The following CDK6 variants were observed in gnomAD, a reference collection of about 807,000 sequenced individuals.
CDK6 encodes cyclin dependent kinase 6.
In CDK6, 6 loss-of-function variants were observed where a neutral mutation model predicts 37.1. The ratio of observed to expected loss-of-function variants is 0.16; its 90% CI spans 0.09 to 0.32. CDK6 has a LOEUF of 0.32. Ranked by LOEUF, CDK6 falls within the 10% of genes least tolerant of loss-of-function variation. CDK6 has a pLI of 1.00. For missense variants in CDK6, 224 were observed against 418.9 expected (o/e 0.53, Z 4.06); for synonymous variants, 160 against 161.3 (o/e 0.99, Z 0.06).
At chr7:92,731,218 A>C (rs1170684955) in intron 3 of CDK6, among the ~76,000 whole-genome samples, 3 of 152,236 alleles carry the variant, frequency 2.0e-5, no homozygotes, top group Admixed American at 6.5e-5. Flanking sequence ...ATGAGCTTCA[A>C]AGGCTGTTTA....
chr7:92,751,975 A>G (rs546836337), intron 3 of CDK6, among the ~76,000 whole-genome samples: 1 of 152,210 alleles, frequency 6.6e-6, no homozygotes, highest in Non-Finnish European at 1.5e-5. Flanking sequence ...GAGCACTGAC[A>G]AAGATATAAA....
chr7:92,794,612 A>G (rs1800361339), intron 2 of CDK6, among the ~76,000 whole-genome samples: 1 of 152,032 alleles, frequency 6.6e-6, no homozygotes, highest in East Asian at 1.9e-4. Flanking sequence ...ACTGATCTTC[A>G]AAGATTATGC....
intron 2 of CDK6, among the ~76,000 whole-genome samples, chr7:92,809,293 T>C (rs1044002110): frequency 1.3e-5 from 2 of 152,192 alleles, no homozygotes; most frequent in Admixed American, 6.5e-5. Context: ...AAAATTTTCA[T>C]CTCCAAATGT....
intron 3 of CDK6, among the ~76,000 whole-genome samples, chr7:92,758,338 A>G (rs1467997347): frequency 1.3e-5 from 2 of 152,284 alleles, no homozygotes; most frequent in Non-Finnish European, 2.9e-5. Context: ...TATAGTTTCA[A>G]TCTTCTGCAT....
intron 4 of CDK6, among the ~76,000 whole-genome samples, chr7:92,699,664 T>C (rs1378042918): frequency 6.6e-6 from 1 of 152,232 alleles, no homozygotes; most frequent in Non-Finnish European, 1.5e-5. Context: ...CATATACAAA[T>C]GTGCCTACTA....
At chr7:92,791,446 CA>C (rs1800280056) in intron 2 of CDK6, among the ~76,000 whole-genome samples, 1 of 151,962 alleles carries the variant, frequency 6.6e-6, no homozygotes, top group East Asian at 1.9e-4. Context: ...AAAAATTTAC[CA>C]CAGGGCCCTA....
At position 92,615,178 on chromosome 7, in the gene CDK6, G is replaced by A. The variant is rs1795647952; in HGVS notation, c.943C>T (p.Pro315Ser). The A allele has an allele frequency of 1.2e-6, 2 of 1,613,940 alleles. No homozygotes were observed. Among genetic ancestry groups the A allele is most frequent in the Admixed American group, 3.3e-5 (2 of 60,002 alleles). Reference sequence around the variant, plus strand: ...AGCTCCGAGGTGTTCTGGCTGGGCGGCAGGTGGGAATCCAGGTTTTCTTTG... The same window carrying A: ...AGCTCCGAGGTGTTCTGGCTGGGCGACAGGTGGGAATCCAGGTTTTCTTTG... Reference protein sequence around the residue: ...RCKENLDSHLPPSQNTSELNT... With the variant: ...RCKENLDSHLSPSQNTSELNT... Residue 315 changes from proline (P) to serine (S), a missense_variant, in exon 8 of 8, where the codon CCG (proline) becomes TCG (serine). Pro to Ser is a moderately conservative substitution (Grantham distance 74). Coordinates refer to ENST00000424848, the MANE Select transcript of CDK6 (RefSeq NM_001145306.2).
chr7:92,629,754 A>G (rs1796011705), intron 5 of CDK6, among the ~76,000 whole-genome samples: 2 of 152,130 alleles, frequency 1.3e-5, no homozygotes, highest in South Asian at 4.1e-4. Context: ...ATAATGGAGT[A>G]CTGCAAACTG....
intron 3 of CDK6, among the ~76,000 whole-genome samples, chr7:92,765,938 G>A (rs1799568838): frequency 6.6e-6 from 1 of 152,164 alleles, no homozygotes. Flanking sequence ...ATTCCAAACA[G>A]ATGAAAAATC....
chr7:92,738,196 T>G (rs1476112496), intron 3 of CDK6, among the ~76,000 whole-genome samples: 2 of 152,006 alleles, frequency 1.3e-5, no homozygotes, highest in Non-Finnish European at 2.9e-5. Context: ...ATCTGGGTGG[T>G]CACAACTAGT....
intron 4 of CDK6, among the ~76,000 whole-genome samples, chr7:92,716,340 G>T (rs1027155090): frequency 2.0e-5 from 3 of 152,186 alleles, no homozygotes; most frequent in African/African-American, 7.2e-5. Context: ...AAGACAGAAA[G>T]GTAGGTTGGA....
In CDK6 at chr7:92,671,527, C is replaced by T. The variant is rs150126273; in HGVS notation, c.546G>A (p.Thr182=). Residue 182 remains threonine (T), a synonymous_variant, in exon 5 of 8, where the codon ACG becomes ACA. Transcript: ENST00000424848. Reference sequence around the variant, plus strand: ...AGACTTCGGGTGCTCTGTACCACAGCGTGACGACCTGCAATGGCAAGCGGA... The same window carrying T: ...AGACTTCGGGTGCTCTGTACCACAGTGTGACGACCTGCAATGGCAAGCGGA... The part of the protein sequence containing the change: ...FQMALTSVVV[T]LWYRAPEVLL... The T allele has an allele frequency of 1.2e-3, 1,877 of 1,557,338 alleles. 2 individuals carry two copies. The highest frequency in any genetic ancestry group is 1.5e-3 in the Non-Finnish European group (1,749 of 1,152,128).
intron 4 of CDK6, among the ~76,000 whole-genome samples, chr7:92,688,080 T>G (rs1163377008): frequency 1.3e-5 from 2 of 152,204 alleles, no homozygotes; most frequent in Non-Finnish European, 2.9e-5. Context: ...AACATTCTGC[T>G]TTGAACATTT....
chr7:92,614,959 G>A lies in CDK6; in HGVS notation c.*181C>T. The A allele has an allele frequency of 1.8e-6, 1 of 564,884 alleles. No individual in the cohort carries two copies. Among genetic ancestry groups the A allele is most frequent in the South Asian group, 2.8e-5 (1 of 35,526 alleles). The allele number at this position is 564,884 out of a possible 1,614,324, so 35.0% of individuals were successfully genotyped here. On this transcript the variant is annotated 3_prime_UTR_variant, in exon 8 of 8. Transcript: ENST00000424848. ...TGAACATAAAGCTGCAATCACTCTT[G>A]CATTGATTTCAAAACAGTAAACTAG...
In CDK6 at chr7:92,742,740, T is replaced by C. The variant is rs59464150; in HGVS notation, c.370-16947A>G. Among the ~76,000 whole-genome samples the C allele has an allele frequency of 1.6e-3, 231 of 143,004 alleles. 2 individuals are homozygous for C. The highest frequency in any genetic ancestry group is 5.8e-3 in the African/African-American group (219 of 37,832). 93.8% of individuals were successfully genotyped at this position (143,004 alleles called of 152,430 possible). A position where few individuals can be genotyped will look rare whatever the true frequency, so the allele number is the denominator to read the frequency against. On this transcript the variant is annotated intron_variant, in intron 3 of 7. Coordinates refer to ENST00000424848, the MANE Select transcript of CDK6 (RefSeq NM_001145306.2). ...TATGTATAAAATGTATACATATATA[T>C]ATACACACACACACACACACCCCTT...
At chr7:92,733,265 C>T (rs982058241) in intron 3 of CDK6, among the ~76,000 whole-genome samples, 9 of 152,140 alleles carry the variant, frequency 5.9e-5, no homozygotes, top group Middle Eastern at 3.4e-3. Flanking sequence ...TTTATAATAT[C>T]GCCTTTGCCA....
intron 5 of CDK6, among the ~76,000 whole-genome samples, chr7:92,655,416 T>C (rs890031629): frequency 1.1e-4 from 16 of 152,234 alleles, no homozygotes; most frequent in Admixed American, 1.0e-3. Context: ...AGTGCTGTTT[T>C]TAATCAGGGC....
At chr7:92,645,927 G>A (rs1483588827) in intron 5 of CDK6, among the ~76,000 whole-genome samples, 3 of 152,206 alleles carry the variant, frequency 2.0e-5, no homozygotes, top group African/African-American at 7.2e-5. Context: ...TGAATTGAAT[G>A]GAAAAGGAGT....
At chr7:92,772,597 C>T (rs1311026127) in intron 3 of CDK6, among the ~76,000 whole-genome samples, 2 of 152,114 alleles carry the variant, frequency 1.3e-5, no homozygotes, top group African/African-American at 4.8e-5. Flanking sequence ...ACAATCACCC[C>T]CTTCTAGCAA....
Sources: gnomAD v4.1 joint callset for allele counts (sites outside exome capture counted in the v4.1 genomes callset) on GRCh38, gnomAD v4.1.1 for gene constraint, MANE v1.5 for transcripts, NCBI Gene and HGNC (gene_info 2026-07-23, HGNC 2026-07-21) for gene names.